Variants in TRPM7 observed in about 807,000 individuals in gnomAD.
TRPM7 encodes LTRPC ion channel family member 7.
A neutral mutation model predicts 229.7 loss-of-function variants in TRPM7; 134 were observed. The observed-to-expected ratio is 0.58, with a 90% confidence interval of 0.51 to 0.67. TRPM7 has a LOEUF of 0.67. Among genes scored for constraint, TRPM7 ranks in the 30% least tolerant of loss-of-function variants. TRPM7 has a pLI of 0.00. For synonymous variants in TRPM7, 699 were observed against 715.2 expected, an observed-to-expected ratio of 0.98 and a Z score of 0.36; for missense variants, 1,901 against 2,210.0, an observed-to-expected ratio of 0.86 and a Z score of 2.80.
At chr15:50,636,430 A>T (rs1378359278) in intron 7 of TRPM7, among the ~76,000 whole-genome samples, 2 of 152,108 alleles carry the variant, frequency 1.3e-5, no homozygotes, top group Non-Finnish European at 2.9e-5. Context: ...ACCTCAGGTG[A>T]TCCACCCACC....
At position 50,639,435 on chromosome 15, in the gene TRPM7, C is replaced by G. The variant is rs751542337; in HGVS notation, c.649G>C (p.Val217Leu). The change falls in exon 6 of 39, where the codon GTT (valine) becomes CTT (leucine). Residue 217 changes from valine (V) to leucine (L), a missense_variant. This residue lies in a region of TRPM7 where 794 missense variants were observed against 881.9 expected (regional missense o/e 0.90). Transcript: ENST00000646667. ...AAAATAATTCTTACATCTCTCCCAACAAGATCATTTCTGTTTTCAATCACT... is the reference window on the plus strand; with the variant it reads ...AAAATAATTCTTACATCTCTCCCAAGAAGATCATTTCTGTTTTCAATCACT... ...WGVIENRNDL[V>L]GRDVVAPYQT... 2 of 1,597,698 alleles carry G rather than the reference C, an allele frequency of 1.3e-6. No homozygotes were observed. Among genetic ancestry groups the G allele is most frequent in the South Asian group, 2.3e-5 (2 of 87,158 alleles).
At chr15:50,663,946 G>C (rs536266798) in intron 1 of TRPM7, among the ~76,000 whole-genome samples, 2 of 150,542 alleles carry the variant, frequency 1.3e-5, no homozygotes, top group Non-Finnish European at 3.0e-5. Flanking sequence ...CTGAGTGAAA[G>C]AGTGAGAGAC....
chr15:50,636,188 CTT>C (rs535332848), intron 7 of TRPM7, among the ~76,000 whole-genome samples: 17 of 136,406 alleles, frequency 1.2e-4, no homozygotes, highest in Admixed American at 3.0e-4. Context: ...CAATTCTTAA[CTT>C]TTTTTTTTTT....
At chr15:50,577,228 G>GA (rs1287738342) in intron 31 of TRPM7, among the ~76,000 whole-genome samples, 1 of 152,164 alleles carries the variant, frequency 6.6e-6, no homozygotes, top group East Asian at 1.9e-4. Context: ...CAACAATGGG[G>GA]AAAAAATGTA....
At chr15:50,600,145 G>C (rs1322775543) in intron 21 of TRPM7, among the ~76,000 whole-genome samples, 1 of 152,168 alleles carries the variant, frequency 6.6e-6, no homozygotes, top group African/African-American at 2.4e-5. Flanking sequence ...ATATAAAAAA[G>C]TGAATATACG....
At chr15:50,652,705 T>C (rs2061456932) in intron 3 of TRPM7, among the ~76,000 whole-genome samples, 1 of 152,104 alleles carries the variant, frequency 6.6e-6, no homozygotes. Context: ...AGACTCATTC[T>C]GCTTTGGAAA....
chr15:50,607,108 ACACC>A, intron 20 of TRPM7, 88 bp downstream of exon 20: 11 of 1,125,516 alleles, frequency 9.8e-6, no homozygotes, highest in Non-Finnish European at 1.3e-5. Context: ...ATACACACAC[ACACC>A]CCCCTACGTA....
At chr15:50,627,170 A>G (rs1352056030) in intron 11 of TRPM7, among the ~76,000 whole-genome samples, 2 of 152,226 alleles carry the variant, frequency 1.3e-5, no homozygotes, top group Non-Finnish European at 2.9e-5. Context: ...ATACAGTAGT[A>G]AACAAAACTG....
chr15:50,685,696 T>C (rs767715039), intron 1 of TRPM7, among the ~76,000 whole-genome samples: 7 of 152,208 alleles, frequency 4.6e-5, no homozygotes, highest in Non-Finnish European at 8.8e-5. Flanking sequence ...GTCCCTGATG[T>C]AAATGACTTT....
At chr15:50,678,864 T>C (rs1033032319) in intron 1 of TRPM7, among the ~76,000 whole-genome samples, 3 of 129,508 alleles carry the variant, frequency 2.3e-5, no homozygotes, top group Non-Finnish European at 5.0e-5. Context: ...AAACCCATCT[T>C]TGCAAAAACA....
At chr15:50,610,465 G>C (rs888962489) in intron 17 of TRPM7, among the ~76,000 whole-genome samples, 1 of 152,232 alleles carries the variant, frequency 6.6e-6, no homozygotes, top group Admixed American at 6.5e-5. Context: ...TTGTAATTGT[G>C]TAACAGGTTT....
intron 11 of TRPM7, among the ~76,000 whole-genome samples, chr15:50,627,733 T>C (rs1260770615): frequency 6.6e-6 from 1 of 152,122 alleles, no homozygotes; most frequent in Non-Finnish European, 1.5e-5. Flanking sequence ...ACAGATGGAA[T>C]TGGATTGGAA....
intron 38 of TRPM7, among the ~76,000 whole-genome samples, chr15:50,564,162 A>C (rs959197011): frequency 6.6e-6 from 1 of 151,812 alleles, no homozygotes; most frequent in East Asian, 1.9e-4. Context: ...GTGCCTGCCC[A>C]ACAATTTTTC....
chr15:50,582,416 C>T (rs1041726632), intron 29 of TRPM7: 1 of 152,128 alleles, frequency 6.6e-6, no homozygotes, highest in Non-Finnish European at 1.5e-5. Flanking sequence ...ATTCCACTAT[C>T]TTATCAGAAA....
At chr15:50,614,342 C>T (rs2060152839) in intron 13 of TRPM7, 79 bp from the exon 14 acceptor site, 1 of 1,282,580 alleles carries the variant, frequency 7.8e-7, no homozygotes, top group Non-Finnish European at 1.1e-6. Flanking sequence ...AACAGGCCTA[C>T]TCTCCAAAAT....
At chr15:50,599,024 AGT>A in intron 22 of TRPM7, 96 bp downstream of exon 22, 1 of 907,242 alleles carries the variant, frequency 1.1e-6, no homozygotes, top group Non-Finnish European at 1.7e-6. Context: ...GGTTGGTAAT[AGT>A]TTGACTTCTG....
intron 24 of TRPM7, among the ~76,000 whole-genome samples, chr15:50,594,001 C>T (rs1017973562): frequency 6.6e-6 from 1 of 152,134 alleles, no homozygotes; most frequent in Non-Finnish European, 1.5e-5. Flanking sequence ...AACATCCCTC[C>T]GCTATCTCTC....
chr15:50,656,536 A>C (rs2061578927), intron 3 of TRPM7, among the ~76,000 whole-genome samples: 1 of 144,516 alleles, frequency 6.9e-6, no homozygotes, highest in Non-Finnish European at 1.5e-5. Context: ...GGGTCTCACT[A>C]TGCTACCCGG....
intron 1 of TRPM7, among the ~76,000 whole-genome samples, chr15:50,664,247 T>C (rs971516574): frequency 8.9e-5 from 13 of 145,276 alleles, no homozygotes; most frequent in African/African-American, 3.1e-4. Flanking sequence ...GAGTCGGAGG[T>C]TGCAGTGAGC....
Sources: allele counts gnomAD v4.1 joint callset (sites outside exome capture counted in the v4.1 genomes callset), GRCh38; gene constraint gnomAD v4.1.1; regional missense constraint gnomAD v4.1.1; transcripts MANE v1.5; gene names NCBI Gene and HGNC (gene_info 2026-07-23, HGNC 2026-07-21).